CCDC93: variants seen among roughly 807,000 people sequenced by gnomAD.
CCDC93 encodes coiled-coil domain-containing protein 93.
CCDC93 carries 61 observed loss-of-function variants against 108.2 expected under a neutral mutation model. The observed-to-expected ratio is 0.56, with a 90% confidence interval of 0.46 to 0.70. CCDC93 has a LOEUF of 0.70. CCDC93 is among the 30% of genes least tolerant of loss of function. The probability of loss-of-function intolerance (pLI) is 0.00; values close to 1 mark genes in which losing one functional copy is unlikely to be tolerated. For synonymous variants in CCDC93, 276 were observed against 260.4 expected (o/e 1.06, Z -0.58); for missense variants, 685 against 764.2 (o/e 0.90, Z 1.22).
chr2:117,922,188 G>A (rs1365464794), intron 23 of CCDC93, among the ~76,000 whole-genome samples: 1 of 152,108 alleles, frequency 6.6e-6, no homozygotes, highest in Non-Finnish European at 1.5e-5. Flanking sequence ...AACAGCATCA[G>A]AACTCTACCG....
At chr2:117,976,651 T>C (rs976257132) in intron 8 of CCDC93, among the ~76,000 whole-genome samples, 1 of 152,194 alleles carries the variant, frequency 6.6e-6, no homozygotes, top group African/African-American at 2.4e-5. Flanking sequence ...TGCCCCCATT[T>C]TACAGATGCT....
At chr2:117,977,644 C>A (rs1013747542) in intron 8 of CCDC93, among the ~76,000 whole-genome samples, 1 of 152,222 alleles carries the variant, frequency 6.6e-6, no homozygotes, top group Non-Finnish European at 1.5e-5. Flanking sequence ...TACCTAACAT[C>A]CTGTTCACAT....
chr2:118,008,829 T>C (rs112375594), intron 1 of CCDC93, 171 bp from the exon 2 acceptor site: 2 of 589,198 alleles, frequency 3.4e-6, no homozygotes, highest in African/African-American at 1.9e-5. Flanking sequence ...ATGTGGACAG[T>C]GTTGTTGGAG....
rs1393565611 is a variant in CCDC93 at position 117,917,453 on chromosome 2, G to T, written c.*2890C>A. The T allele has an allele frequency of 6.5e-6, 1 of 152,704 alleles. No homozygotes were observed. Among genetic ancestry groups the T allele is most frequent in the African/African-American group, 2.4e-5 (1 of 41,436 alleles). The allele number at this position is 152,704 out of a possible 1,614,324, so 9.5% of individuals were successfully genotyped here. On this transcript the variant is annotated 3_prime_UTR_variant, in exon 24 of 24. Coordinates refer to ENST00000376300, the MANE Select transcript of CCDC93 (RefSeq NM_019044.5). ...CCATGCCTGGACCCTGGACCTTCTG[G>T]TTGTGCTGATGGACTCAGCGGACAC...
intron 23 of CCDC93, among the ~76,000 whole-genome samples, chr2:117,929,219 C>T (rs1678237700): frequency 6.6e-6 from 1 of 152,160 alleles, no homozygotes; most frequent in African/African-American, 2.4e-5. Flanking sequence ...ATGTAACTAA[C>T]CTGCACGTTG....
intron 3 of CCDC93, among the ~76,000 whole-genome samples, chr2:118,006,405 G>C (rs777772279): frequency 5.3e-5 from 8 of 152,160 alleles, no homozygotes; most frequent in Non-Finnish European, 1.0e-4. Context: ...GCTTTCTCTC[G>C]AAGACAGGCA....
chr2:117,933,429 G>A (rs1265318162), intron 22 of CCDC93, among the ~76,000 whole-genome samples: 1 of 152,168 alleles, frequency 6.6e-6, no homozygotes, highest in Non-Finnish European at 1.5e-5. Flanking sequence ...CTAGGTCTGT[G>A]AAGTGCTTGT....
intron 11 of CCDC93, among the ~76,000 whole-genome samples, chr2:117,970,909 C>A (rs1679739342): frequency 1.3e-5 from 2 of 152,112 alleles, no homozygotes; most frequent in Non-Finnish European, 2.9e-5. Context: ...GGAGTGATAA[C>A]CAATCATCCA....
At chr2:117,935,886 ATTAT>A (rs775848967) in intron 21 of CCDC93, 6 of 238,852 alleles carry the variant, frequency 2.5e-5, no homozygotes, top group African/African-American at 6.7e-5. Flanking sequence ...TAACAAAAAC[ATTAT>A]TTATTTGAAA....
intron 19 of CCDC93, among the ~76,000 whole-genome samples, chr2:117,940,227 C>G (rs3755495): frequency 0.58 from 87,883 of 151,948 alleles, 25,753 homozygotes; most frequent in Middle Eastern, 0.63. Flanking sequence ...TGTTGAGTTT[C>G]AGGTATCATG....
chr2:117,930,985 G>A, intron 23 of CCDC93, 52 bp downstream of exon 23: 2 of 1,213,760 alleles, frequency 1.6e-6, no homozygotes, highest in Admixed American at 2.1e-5. Flanking sequence ...TACTTTTGAG[G>A]TGAACATATA....
In CCDC93 at chr2:118,008,550, CA is replaced by C; in HGVS notation, c.150del (p.Phe50LeufsTer4). ...FRARIKGLSPFDKVVGGMTWC... is the reference protein window; with the variant it reads ...FRARIKGLSPXDKVVGGMTWC... ...TTAGAAAGATTTCCCCTTACCTTGT[CA>C]AAGGGTGATAAGCCTTTAATTCTTG... On this transcript the variant is annotated frameshift_variant, in exon 2 of 24. Coordinates refer to ENST00000376300, the MANE Select transcript of CCDC93 (RefSeq NM_019044.5). LOFTEE classifies it high-confidence loss of function. 6.3e-7 allele frequency: 1 copy of C among 1,579,420 alleles called. No individual in the cohort carries two copies. Among genetic ancestry groups the C allele is most frequent in the Non-Finnish European group, 8.7e-7 (1 of 1,149,692 alleles).
chr2:117,946,746 C>A (rs1333130515), intron 16 of CCDC93, 65 bp downstream of exon 16: 18 of 1,176,050 alleles, frequency 1.5e-5, no homozygotes, highest in Non-Finnish European at 2.3e-5. Context: ...CTCTTTGGTC[C>A]TCTAGAACTA....
intron 23 of CCDC93, among the ~76,000 whole-genome samples, chr2:117,925,774 G>C: frequency 6.6e-6 from 1 of 152,188 alleles, no homozygotes; most frequent in Non-Finnish European, 1.5e-5. Context: ...AGACCTAATA[G>C]ACATCTACAG....
intron 13 of CCDC93, chr2:117,951,711 C>T (rs944333600): frequency 2.0e-6 from 2 of 999,208 alleles, no homozygotes; most frequent in Non-Finnish European, 2.4e-6. Flanking sequence ...TCTGTGGAAA[C>T]CAAGGAACAG....
chr2:117,944,991 G>A (rs1678821463), intron 17 of CCDC93, among the ~76,000 whole-genome samples: 2 of 152,178 alleles, frequency 1.3e-5, no homozygotes, highest in African/African-American at 4.8e-5. Context: ...TACAACCTTT[G>A]GGCCAAATAT....
chr2:117,964,190 A>G (rs1679480941), intron 11 of CCDC93, among the ~76,000 whole-genome samples: 1 of 152,080 alleles, frequency 6.6e-6, no homozygotes, highest in Non-Finnish European at 1.5e-5. Context: ...CTCAGATCTT[A>G]TTGTGTGGGG....
chr2:117,919,607 T>A lies in CCDC93; in HGVS notation c.*736A>T, dbSNP rs1486169041. On this transcript the variant is annotated 3_prime_UTR_variant, in exon 24 of 24. Coordinates refer to ENST00000376300, the MANE Select transcript of CCDC93 (RefSeq NM_019044.5). ...ATGAACATTGGGGCAGGGGAAGGTA[T>A]AATTTTTATTGACGTGTCCTCAGCA... 1.3e-5 allele frequency: 2 copies of A among 152,236 alleles called. No individual in the cohort carries two copies. Among genetic ancestry groups the A allele is most frequent in the Non-Finnish European group, 2.9e-5 (2 of 68,044 alleles). 9.4% of individuals were successfully genotyped at this position (152,236 alleles called of 1,614,324 possible).
chr2:117,990,633 GA>G lies in CCDC93; in HGVS notation c.520-4565del, dbSNP rs150864465. On this transcript the variant is annotated intron_variant, in intron 6 of 23. Coordinates refer to ENST00000376300, the MANE Select transcript of CCDC93 (RefSeq NM_019044.5). Reference sequence around the variant, plus strand: ...ATGTCCTACATAATGGCCAAGTGAAGAAAAAAAAAAAAAACAGAGATACAAA... The same window carrying G: ...ATGTCCTACATAATGGCCAAGTGAAGAAAAAAAAAAAAACAGAGATACAAA... Among the ~76,000 whole-genome samples the G allele has an allele frequency of 1.6e-3, 223 of 143,786 alleles. 1 individual carries two copies. Among genetic ancestry groups the G allele is most frequent in the Admixed American group, 2.2e-3 (32 of 14,586 alleles). 94.3% of individuals were successfully genotyped at this position (143,786 alleles called of 152,430 possible).
Sources: gnomAD v4.1 joint callset for allele counts (sites outside exome capture counted in the v4.1 genomes callset) on GRCh38, gnomAD v4.1.1 for gene constraint, MANE v1.5 for transcripts, NCBI Gene and HGNC (gene_info 2026-07-23, HGNC 2026-07-21) for gene names.